EPHA6: variants seen among roughly 807,000 people sequenced by gnomAD.
EPHA6 encodes the protein ephrin type-A receptor 6.
In EPHA6, 50 loss-of-function variants were observed where a neutral mutation model predicts 112.0. That is an observed-to-expected ratio of 0.45 (90% CI 0.36 to 0.56). EPHA6 has a LOEUF of 0.56. Ranked by LOEUF, EPHA6 falls within the 20% of genes least tolerant of loss-of-function variation. EPHA6 has a pLI of 0.00. For missense variants in EPHA6, 1,280 were observed against 1,417.4 expected (o/e 0.90, Z 1.56); for synonymous variants, 529 against 490.7 (o/e 1.08, Z -1.03).
intron 16 of EPHA6, 132 bp downstream of exon 16, chr3:97,736,250 A>G: frequency 1.8e-6 from 1 of 563,710 alleles, no homozygotes; most frequent in Non-Finnish European, 2.9e-6. Flanking sequence ...TGGAAACCAT[A>G]TTTCATTTAT....
At chr3:97,620,793 C>A (rs1304975060) in intron 13 of EPHA6, among the ~76,000 whole-genome samples, 1 of 151,788 alleles carries the variant, frequency 6.6e-6, no homozygotes, top group East Asian at 1.9e-4. Context: ...GGAGAAAAAG[C>A]AATGGCTATA....
In EPHA6 at chr3:97,039,644, T is replaced by A. The variant is rs554961728; in HGVS notation, c.1114+51651T>A. Among the ~76,000 whole-genome samples, 7 of 152,130 alleles carry A rather than the reference T, an allele frequency of 4.6e-5. No individual in the cohort carries two copies. In the South Asian group the frequency reaches 1.0e-3, roughly 23 times the overall value. The stretch of plus-strand genomic sequence containing the variant: ...AATTTGGGGCATTTTACTTTTAGCT[T>A]GTAATTTCAAATATTCTGGAGAAAT... On this transcript the variant is annotated intron_variant, in intron 3 of 17. Transcript: ENST00000389672.
chr3:96,964,401 T>C (rs921904859), intron 2 of EPHA6, among the ~76,000 whole-genome samples: 4 of 152,240 alleles, frequency 2.6e-5, no homozygotes, highest in Admixed American at 6.5e-5. Flanking sequence ...TTGTTCATCT[T>C]AGACAACTGT....
rs979715686 is a variant in EPHA6 at position 97,757,390 on chromosome 3, A to T, written c.*8689A>T. Among the ~76,000 whole-genome samples, 2 of 151,768 alleles carry T rather than the reference A, an allele frequency of 1.3e-5. No individual in the cohort carries two copies. Among genetic ancestry groups the T allele is most frequent in the African/African-American group, 4.8e-5 (2 of 41,424 alleles). On this transcript the variant is annotated 3_prime_UTR_variant, in exon 18 of 18. Transcript: ENST00000389672. ...AAATAGGAAAAAGTTCATTTTAAAA[A>T]TGTTTTGTAATGGAACAAGTCATCA...
chr3:96,873,618 C>A (rs1305341341), intron 2 of EPHA6, among the ~76,000 whole-genome samples: 1 of 152,088 alleles, frequency 6.6e-6, no homozygotes, highest in Non-Finnish European at 1.5e-5. Context: ...GCTTTATTTT[C>A]TTCATTCAAT....
At chr3:97,051,438 A>T (rs980209195) in intron 3 of EPHA6, among the ~76,000 whole-genome samples, 20 of 152,170 alleles carry the variant, frequency 1.3e-4, no homozygotes, top group African/African-American at 4.1e-4. Flanking sequence ...AATATAAAAA[A>T]TAATTACAAA....
At chr3:97,468,766 C>T (rs1231459665) in intron 7 of EPHA6, among the ~76,000 whole-genome samples, 1 of 151,534 alleles carries the variant, frequency 6.6e-6, no homozygotes, top group African/African-American at 2.4e-5. Flanking sequence ...GGCATTTTAT[C>T]CTTATATTTA....
At chr3:97,229,154 T>C (rs9882266) in intron 4 of EPHA6, among the ~76,000 whole-genome samples, 28,339 of 152,114 alleles carry the variant, frequency 0.19, 6,325 homozygotes, top group African/African-American at 0.52. Context: ...TATTTCCTCC[T>C]GCTCTGTGGG....
intron 3 of EPHA6, among the ~76,000 whole-genome samples, chr3:97,188,629 CAT>C (rs1234717535): frequency 6.6e-6 from 1 of 151,620 alleles, no homozygotes; most frequent in African/African-American, 2.4e-5. Context: ...TCACATATAT[CAT>C]ATGTTTGAAA....
intron 11 of EPHA6, among the ~76,000 whole-genome samples, chr3:97,563,923 C>T (rs1187177991): frequency 2.0e-5 from 3 of 151,982 alleles, no homozygotes; most frequent in Non-Finnish European, 4.4e-5. Context: ...AAGAATGAAA[C>T]AAAATCAACT....
At chr3:97,549,531 G>C (rs927674841) in intron 11 of EPHA6, among the ~76,000 whole-genome samples, 1 of 152,150 alleles carries the variant, frequency 6.6e-6, no homozygotes, top group Non-Finnish European at 1.5e-5. Context: ...ACTTGAAGAA[G>C]GGCCTATATC....
At chr3:97,047,499 C>CA (rs556388538) in intron 3 of EPHA6, among the ~76,000 whole-genome samples, 10,849 of 44,932 alleles carry the variant, frequency 0.24, 1,485 homozygotes, top group African/African-American at 0.44. Context: ...GACTCTGTCT[C>CA]AAAAAAAAAA....
intron 2 of EPHA6, among the ~76,000 whole-genome samples, chr3:96,893,758 A>G (rs1471084816): frequency 2.0e-5 from 3 of 152,192 alleles, no homozygotes; most frequent in East Asian, 3.8e-4. Flanking sequence ...CATGACAGTT[A>G]TGACTAAAGC....
chr3:96,989,649 A>G (rs1178426934), intron 3 of EPHA6, among the ~76,000 whole-genome samples: 1 of 152,160 alleles, frequency 6.6e-6, no homozygotes, highest in Non-Finnish European at 1.5e-5. Flanking sequence ...CACTACTGGA[A>G]CACCTCAGGA....
intron 6 of EPHA6, among the ~76,000 whole-genome samples, chr3:97,407,187 C>A (rs1489112053): frequency 1.3e-5 from 2 of 151,946 alleles, no homozygotes; most frequent in Non-Finnish European, 2.9e-5. Context: ...TAATATGATT[C>A]TAAAAGGACC....
chr3:97,534,736 A>G (rs1312349014), intron 11 of EPHA6, among the ~76,000 whole-genome samples: 1 of 152,016 alleles, frequency 6.6e-6, no homozygotes, highest in Non-Finnish European at 1.5e-5. Flanking sequence ...TATTTCTTTC[A>G]TATTTTCTGA....
At chr3:96,844,536 GT>G (rs2034955009) in intron 1 of EPHA6, among the ~76,000 whole-genome samples, 1 of 152,028 alleles carries the variant, frequency 6.6e-6, no homozygotes, top group Non-Finnish European at 1.5e-5. Flanking sequence ...TTATAGAGAT[GT>G]TAAATATGAT....
chr3:97,568,457 C>T (rs1217784284), intron 11 of EPHA6, among the ~76,000 whole-genome samples: 3 of 152,180 alleles, frequency 2.0e-5, no homozygotes, highest in Non-Finnish European at 4.4e-5. Context: ...TCAAGGCCCC[C>T]ATTGATCTGG....
chr3:97,737,329 A>G (rs1335570915), intron 16 of EPHA6, among the ~76,000 whole-genome samples: 1 of 152,086 alleles, frequency 6.6e-6, no homozygotes, highest in East Asian at 1.9e-4. Flanking sequence ...ACAAGACTGG[A>G]AACAGAGACA....
Sources: allele counts gnomAD v4.1 joint callset (sites outside exome capture counted in the v4.1 genomes callset), GRCh38; gene constraint gnomAD v4.1.1; transcripts MANE v1.5; gene names NCBI Gene and HGNC (gene_info 2026-07-23, HGNC 2026-07-21).